The following OLA1 variants were observed in gnomAD, a reference collection of about 807,000 sequenced individuals.
OLA1 encodes the protein Obg like ATPase 1.
OLA1 carries 14 observed loss-of-function variants against 48.4 expected under a neutral mutation model. That is an observed-to-expected ratio of 0.29 (90% confidence interval 0.19 to 0.45). The LOEUF is 0.45. Ranked by LOEUF, OLA1 falls within the 20% of genes least tolerant of loss-of-function variation. The pLI is 1.00. For missense variants in OLA1, 325 were observed against 467.1 expected, an observed-to-expected ratio of 0.70 and a Z score of 2.80; for synonymous variants, 127 against 150.4, an observed-to-expected ratio of 0.84 and a Z score of 1.14.
At chr2:174,144,213 G>A (rs923603066) in intron 4 of OLA1, among the ~76,000 whole-genome samples, 3 of 152,098 alleles carry the variant, frequency 2.0e-5, no homozygotes, top group African/African-American at 7.2e-5. Flanking sequence ...AGTTATGACT[G>A]TATCATCACT....
chr2:174,155,050 C>T (rs1219251928), intron 4 of OLA1, among the ~76,000 whole-genome samples: 1 of 152,134 alleles, frequency 6.6e-6, no homozygotes, highest in African/African-American at 2.4e-5. Flanking sequence ...AGCAATATGC[C>T]TTCTCTAACC....
In OLA1 at chr2:174,089,733, T is replaced by C. The variant is rs1685062690; in HGVS notation, c.729-7669A>G. Among the ~76,000 whole-genome samples the C allele has an allele frequency of 7.3e-5, 11 of 151,288 alleles. No homozygotes were observed. In the South Asian group the frequency reaches 2.3e-3, roughly 32 times the overall value. Reference sequence around the variant, plus strand: ...CCTGGGCAACATGGTGAAACGACGTTTCTACAAAAAATACAAAAATTATCC... The same window carrying C: ...CCTGGGCAACATGGTGAAACGACGTCTCTACAAAAAATACAAAAATTATCC... On this transcript the variant is annotated intron_variant, in intron 7 of 10. Transcript: ENST00000284719.
intron 7 of OLA1, among the ~76,000 whole-genome samples, chr2:174,105,097 A>T (rs1036322445): frequency 6.6e-6 from 1 of 151,996 alleles, no homozygotes; most frequent in African/African-American, 2.4e-5. Context: ...TGACAGGGTC[A>T]TTATTTCTGC....
intron 4 of OLA1, among the ~76,000 whole-genome samples, chr2:174,192,337 G>A (rs920855209): frequency 6.6e-6 from 1 of 152,096 alleles, no homozygotes; most frequent in Non-Finnish European, 1.5e-5. Flanking sequence ...AATCTAAAAT[G>A]CTCCTACAAG....
chr2:174,142,412 C>T (rs998458428), intron 4 of OLA1, among the ~76,000 whole-genome samples: 13 of 152,092 alleles, frequency 8.5e-5, no homozygotes, highest in Admixed American at 5.2e-4. Context: ...AGACCTCTTC[C>T]CTGCTTCAAT....
chr2:174,138,927 T>C (rs1686374397), intron 5 of OLA1, among the ~76,000 whole-genome samples: 1 of 152,222 alleles, frequency 6.6e-6, no homozygotes. Flanking sequence ...AATTAGCTAA[T>C]TATTAGTTCT....
intron 4 of OLA1, among the ~76,000 whole-genome samples, chr2:174,221,835 C>A (rs960947246): frequency 3.3e-5 from 5 of 152,124 alleles, no homozygotes; most frequent in Admixed American, 6.5e-5. Flanking sequence ...CATCAGTCAC[C>A]AAAACCAGAA....
intron 1 of OLA1, chr2:174,247,549 T>G (rs1009947497): frequency 6.9e-7 from 1 of 1,452,722 alleles, no homozygotes; most frequent in African/African-American, 1.4e-5. Context: ...TCAAAGAAAA[T>G]TCCATTGTGG....
intron 7 of OLA1, among the ~76,000 whole-genome samples, chr2:174,121,825 C>T (rs886724893): frequency 3.3e-5 from 5 of 152,088 alleles, no homozygotes; most frequent in Admixed American, 6.6e-5. Context: ...GGGAGTTCTA[C>T]CTGTAATCAT....
At chr2:174,107,989 T>C (rs1383995391) in intron 7 of OLA1, among the ~76,000 whole-genome samples, 2 of 152,150 alleles carry the variant, frequency 1.3e-5, no homozygotes, top group Non-Finnish European at 2.9e-5. Flanking sequence ...TATTTAGGTA[T>C]GCTTATTGTA....
chr2:174,158,372 G>A (rs142343028), intron 4 of OLA1, among the ~76,000 whole-genome samples: 2 of 151,972 alleles, frequency 1.3e-5, no homozygotes, highest in Non-Finnish European at 1.5e-5. Context: ...GGTACAGAAG[G>A]GGTGGTTATT....
chr2:174,244,112 G>A (rs999281984), intron 2 of OLA1, among the ~76,000 whole-genome samples: 1 of 152,270 alleles, frequency 6.6e-6, no homozygotes, highest in African/African-American at 2.4e-5. Context: ...CCCTCTTGAG[G>A]CCTGGCTGTT....
At chr2:174,164,311 T>C (rs1353308503) in intron 4 of OLA1, among the ~76,000 whole-genome samples, 2 of 117,782 alleles carry the variant, frequency 1.7e-5, no homozygotes, top group Non-Finnish European at 3.4e-5. Flanking sequence ...CTTTCTCCCA[T>C]ATGGACAAGG....
At chr2:174,111,850 T>C (rs1685659094) in intron 7 of OLA1, among the ~76,000 whole-genome samples, 1 of 152,196 alleles carries the variant, frequency 6.6e-6, no homozygotes, top group Non-Finnish European at 1.5e-5. Context: ...TTGAAGAAAG[T>C]AGTTTTCTTG....
intron 7 of OLA1, among the ~76,000 whole-genome samples, chr2:174,117,626 C>T (rs961543815): frequency 1.3e-5 from 2 of 152,134 alleles, no homozygotes; most frequent in Non-Finnish European, 2.9e-5. Context: ...GTCTGGGGAA[C>T]ATGCTGCACA....
chr2:174,245,835 A>G (rs1689115916), intron 2 of OLA1, among the ~76,000 whole-genome samples: 1 of 152,086 alleles, frequency 6.6e-6, no homozygotes, highest in Admixed American at 6.5e-5. Flanking sequence ...CAGAGGCTGC[A>G]GTGAGCTGAG....
chr2:174,152,346 T>C (rs1686766001), intron 4 of OLA1, among the ~76,000 whole-genome samples: 1 of 152,102 alleles, frequency 6.6e-6, no homozygotes, highest in South Asian at 2.1e-4. Flanking sequence ...GAGGTTGTAG[T>C]GGGTGGAGAT....
intron 7 of OLA1, among the ~76,000 whole-genome samples, chr2:174,104,724 G>A (rs554851144): frequency 6.6e-6 from 1 of 152,056 alleles, no homozygotes; most frequent in South Asian, 2.1e-4. Context: ...TAAGCAGTTT[G>A]AAGCAGCACA....
chr2:174,201,468 C>G (rs911290764), intron 4 of OLA1, among the ~76,000 whole-genome samples: 4 of 152,084 alleles, frequency 2.6e-5, no homozygotes, highest in African/African-American at 9.7e-5. Flanking sequence ...AGATCCTCAG[C>G]CACCTGAGTA....
Sources: gnomAD v4.1 joint callset for allele counts (sites outside exome capture counted in the v4.1 genomes callset) on GRCh38, gnomAD v4.1.1 for gene constraint, MANE v1.5 for transcripts, NCBI Gene and HGNC (gene_info 2026-07-23, HGNC 2026-07-21) for gene names.